ARHGAP27: variants seen among roughly 807,000 people sequenced by gnomAD.
The protein encoded by ARHGAP27 is Rho GTPase activating protein 27, also known as rho GTPase-activating protein 27.
A neutral mutation model predicts 102.0 loss-of-function variants in ARHGAP27; 53 were observed. That is an observed-to-expected ratio of 0.52 (90% CI 0.42 to 0.65). The LOEUF is 0.65. Among genes scored for constraint, ARHGAP27 ranks in the 30% least tolerant of loss-of-function variants. ARHGAP27 has a pLI of 0.00. For missense variants in ARHGAP27, 1,117 were observed against 1,256.2 expected, an observed-to-expected ratio of 0.89 and a Z score of 1.68; for synonymous variants, 525 against 542.8, an observed-to-expected ratio of 0.97 and a Z score of 0.46.
intron 4 of ARHGAP27, chr17:45,425,542 TC>T (rs1003078608): frequency 1.0e-6 from 1 of 983,754 alleles, no homozygotes; most frequent in African/African-American, 1.7e-5. Context: ...CACCCCCTAG[TC>T]CCCCAGGGGC....
chr17:45,416,139 G>A lies in ARHGAP27; in HGVS notation c.658-10056C>T, dbSNP rs371599056. On this transcript the variant is annotated intron_variant, in intron 4 of 19. Transcript: ENST00000685559. ...CGGCTCACTGCAGGCTCCGCCTCCCGGGTTCACGCCATTCTCCTGCCTCAG... is the reference window on the plus strand; with the variant it reads ...CGGCTCACTGCAGGCTCCGCCTCCCAGGTTCACGCCATTCTCCTGCCTCAG... Among the ~76,000 whole-genome samples the A allele has an allele frequency of 5.1e-3, 773 of 151,240 alleles. 8 individuals carry two copies. Among genetic ancestry groups the A allele is most frequent in the African/African-American group, 0.018 (737 of 41,274 alleles).
At chr17:45,403,978 A>T in intron 10 of ARHGAP27, 51 bp downstream of exon 10, 1 of 1,592,060 alleles carries the variant, frequency 6.3e-7, no homozygotes, top group Non-Finnish European at 8.6e-7. Context: ...CTCAGTGAAC[A>T]TCGTCACCAA....
rs766447765 is a variant in ARHGAP27 at position 45,406,003 on chromosome 17, G to A, written c.738C>T (p.Pro246=). The A allele has an allele frequency of 2.0e-6, 3 of 1,535,340 alleles. No individual in the cohort carries two copies. Among genetic ancestry groups the A allele is most frequent in the Non-Finnish European group, 2.6e-6 (3 of 1,146,454 alleles). The part of the protein sequence containing the change: ...RATSPGAAAA[P]LPSPVWETHT... The stretch of plus-strand genomic sequence containing the variant: ...GCGTCTCCCACACCGGGCTGGGAAG[G>A]GGGGCTGCAGCGGCGCCCGGTGAAG... The change falls in exon 5 of 20, where the codon CCC becomes CCT. Residue 246 remains proline (P), a synonymous_variant. Coordinates refer to ENST00000685559, the MANE Select transcript of ARHGAP27 (RefSeq NM_001282290.2).
In ARHGAP27 at chr17:45,396,034, G is replaced by A. The variant is rs757533680; in HGVS notation, c.2335C>T (p.Pro779Ser). ...GALKLFFREL[P>S]EPLFPFSHFR... Reference sequence around the variant, plus strand: ...TGCGAGAAGGGGAAGAGGGGCTCGGGCAGCTCCCGAAAGAAGAGCTTCAGG... The same window carrying A: ...TGCGAGAAGGGGAAGAGGGGCTCGGACAGCTCCCGAAAGAAGAGCTTCAGG... The change falls in exon 18 of 20, where the codon CCC becomes TCC. Residue 779 changes from proline to serine, a missense_variant. Physicochemically the swap from Pro to Ser is moderately conservative, Grantham distance 74 (BLOSUM62 -1). This residue lies in a region of ARHGAP27 where 493 missense variants were observed against 505.5 expected (regional missense o/e 0.98). Transcript: ENST00000685559. 31 of 1,613,884 alleles carry A rather than the reference G, an allele frequency of 1.9e-5. No homozygotes were observed. The Admixed American group carries it at 5.2e-4, about 27-fold the overall frequency.
Position 45,430,290 on chromosome 17 carries a change from G to C in ARHGAP27, c.-11C>G. 1 of 1,558,688 alleles carries C rather than the reference G, an allele frequency of 6.4e-7. No individual in the cohort carries two copies. On this transcript the variant is annotated 5_prime_UTR_variant, in exon 4 of 20. Coordinates refer to ENST00000685559, the MANE Select transcript of ARHGAP27 (RefSeq NM_001282290.2). This position sits in a 1 kb window ranked among gnomAD's most constrained non-coding sequence, Gnocchi z 4.4. ...CACGTCCGCCGCCATCGCAGCCGCG[G>C]CGTTTTCCTGCGGGCAACAAGAAGG...
rs1265810257 is a variant in ARHGAP27 at position 45,429,608 on chromosome 17, C to G, written c.657+15G>C. 3 of 1,575,104 alleles carry G rather than the reference C, an allele frequency of 1.9e-6. No homozygotes were observed. In the East Asian group the frequency reaches 7.0e-5, roughly 37 times the overall value. On this transcript the variant is annotated intron_variant, in intron 4 of 19. Transcript: ENST00000685559. ...CGCGCCACCCGCCTCCGCGCCCCAG[C>G]GCCCGGGGAGGTACCTGCTCTGCGC...
Position 45,412,962 on chromosome 17 carries a change from C to CTTTTTTTTTTTT in ARHGAP27, c.658-6891_658-6880dup, listed in dbSNP as rs36233058. Among the ~76,000 whole-genome samples, 4 of 41,142 alleles carry CTTTTTTTTTTTT rather than the reference C, an allele frequency of 9.7e-5. 2 individuals are homozygous for CTTTTTTTTTTTT. The highest frequency in any genetic ancestry group is 8.7e-5 in the Non-Finnish European group (2 of 23,114). The allele number at this position is 41,142 out of a possible 152,430, so 27.0% of individuals were successfully genotyped here. A position where few individuals can be genotyped will look rare whatever the true frequency, so the allele number is the denominator to read the frequency against. ...GTGTGGCACCACGGCTCAGTATAAT[C>CTTTTTTTTTTTT]TTTTTTTTTTTTTTTTTTTTTTTTT... On this transcript the variant is annotated intron_variant, in intron 4 of 19. Coordinates refer to ENST00000685559, the MANE Select transcript of ARHGAP27 (RefSeq NM_001282290.2).
rs148792420 is a variant in ARHGAP27, at chr17:45,395,478, G to C, written c.2648C>G (p.Ala883Gly). The change falls in exon 20 of 20, where the codon GCG (alanine) becomes GGG (glycine). Residue 883 changes from alanine (A) to glycine (G), a missense_variant. Transcript: ENST00000685559. ...QVVELILQQCADIFPPH is the reference protein window; with the variant it reads ...QVVELILQQCGDIFPPH ...CAGTCAGTGCGGCGGGAAGATGTCC[G>C]CGCACTGCTGCAGGATGAGCTCCAC... 1 of 1,568,850 alleles carries C rather than the reference G, an allele frequency of 6.4e-7. No homozygotes were observed. Among genetic ancestry groups the C allele is most frequent in the Admixed American group, 1.8e-5 (1 of 54,106 alleles).
At position 45,404,980 on chromosome 17, in the gene ARHGAP27, A is replaced by G; in HGVS notation, c.1192T>C (p.Cys398Arg). 2 of 1,614,112 alleles carry G rather than the reference A, an allele frequency of 1.2e-6. No homozygotes were observed. Among genetic ancestry groups the G allele is most frequent in the Non-Finnish European group, 1.7e-6 (2 of 1,180,002 alleles). ...ATCTGCTTGTCCTGGCTGACATGAC[A>G]AGACCAGCCGGGGGGTGTGGTCAAG... is the stretch of plus-strand genomic sequence containing the variant. Reference protein sequence around the residue: ...SPLTTPPGWSCHVSQDKQMLY... With the variant: ...SPLTTPPGWSRHVSQDKQMLY... The change falls in exon 6 of 20, where the codon TGT becomes CGT. Residue 398 changes from cysteine (C) to arginine (R), a missense_variant. By Grantham distance (180) the Cys-to-Arg change is radical (BLOSUM62 -3). Coordinates refer to ENST00000685559, the MANE Select transcript of ARHGAP27 (RefSeq NM_001282290.2).
chr17:45,410,989 G>A (rs1229598683), intron 4 of ARHGAP27, among the ~76,000 whole-genome samples: 9 of 152,042 alleles, frequency 5.9e-5, no homozygotes, highest in African/African-American at 1.5e-4. Context: ...CTCCAGACTC[G>A]GTCACCAAGA....
At chr17:45,424,225 T>C (rs55648326) in intron 4 of ARHGAP27, among the ~76,000 whole-genome samples, 25,288 of 152,222 alleles carry the variant, frequency 0.17, 2,327 homozygotes, top group Middle Eastern at 0.24. Context: ...CAGGCAACAG[T>C]TCTGGAAGTT....
At position 45,407,519 on chromosome 17, in the gene ARHGAP27, C is replaced by CTT. The variant is rs3973543; in HGVS notation, c.658-1438_658-1437dup. 6.9e-4 allele frequency: 98 copies of CTT among 143,036 alleles called. 3 individuals are homozygous for CTT. The highest frequency in any genetic ancestry group is 1.1e-3 in the African/African-American group (44 of 38,810). The allele number at this position is 143,036 out of a possible 1,614,324, so 8.9% of individuals were successfully genotyped here. The stretch of plus-strand genomic sequence containing the variant: ...TTTTCTTTTTCTTTTTCTTTTTTTT[C>CTT]TTTTTTTTTTTTTGAGATGGAGTCT... On this transcript the variant is annotated intron_variant, in intron 4 of 19. Transcript: ENST00000685559.
intron 4 of ARHGAP27, among the ~76,000 whole-genome samples, chr17:45,406,334 C>G (rs2144565287): frequency 6.6e-6 from 1 of 152,326 alleles, no homozygotes; most frequent in South Asian, 2.1e-4. Context: ...GTGGCCTCTT[C>G]TTGAGCTTTA....
chr17:45,411,603 T>C (rs745714610), intron 4 of ARHGAP27, among the ~76,000 whole-genome samples: 9 of 152,052 alleles, frequency 5.9e-5, no homozygotes, highest in Non-Finnish European at 1.2e-4. Context: ...TGCCCTGCTC[T>C]GCCCACAAAA....
At position 45,395,594 on chromosome 17, in the gene ARHGAP27, C is replaced by A; in HGVS notation, c.2532G>T (p.Gln844His). The A allele has an allele frequency of 6.2e-7, 1 of 1,607,562 alleles. No individual in the cohort carries two copies. Among genetic ancestry groups the A allele is most frequent in the East Asian group, 2.2e-5 (1 of 44,528 alleles). ...TGGGCCCGAACACAATGGCCACGCTCTGCACCGACATGCGGTTCTGCTCGC... is the reference window on the plus strand; with the variant it reads ...TGGGCCCGAACACAATGGCCACGCTATGCACCGACATGCGGTTCTGCTCGC... The part of the protein sequence containing the change: ...EHGEQNRMSV[Q>H]SVAIVFGPTL... The change falls in exon 20 of 20, where the codon CAG becomes CAT. Residue 844 changes from glutamine to histidine, a missense_variant. Physicochemically the swap from Gln to His is conservative, Grantham distance 24 (BLOSUM62 0). Transcript: ENST00000685559.
chr17:45,399,152 C>T (rs1293219813), intron 12 of ARHGAP27, among the ~76,000 whole-genome samples: 1 of 152,232 alleles, frequency 6.6e-6, no homozygotes, highest in Admixed American at 6.5e-5. Context: ...GCGGCAACAG[C>T]TCACACCAAC....
chr17:45,405,796 C>T lies in ARHGAP27; in HGVS notation c.945G>A (p.Arg315=). The change falls in exon 5 of 20, where the codon AGG becomes AGA. Residue 315 remains arginine, a synonymous_variant. Coordinates refer to ENST00000685559, the MANE Select transcript of ARHGAP27 (RefSeq NM_001282290.2). The part of the protein sequence containing the change: ...WGQYWDEESR[R]VFFYNPLTGE... Reference sequence around the variant, plus strand: ...CCGTCAGCGGGTTGTAGAAGAACACCCTGCGGCTCTCCTCATCCCAGTACT... The same window carrying T: ...CCGTCAGCGGGTTGTAGAAGAACACTCTGCGGCTCTCCTCATCCCAGTACT... The T allele has an allele frequency of 6.5e-7, 1 of 1,547,872 alleles. No homozygotes were observed. Among genetic ancestry groups the T allele is most frequent in the Non-Finnish European group, 8.7e-7 (1 of 1,152,448 alleles).
At chr17:45,410,332 T>TG (rs1423003481) in intron 4 of ARHGAP27, 12 of 1,470,466 alleles carry the variant, frequency 8.2e-6, no homozygotes, top group Middle Eastern at 1.8e-4. Flanking sequence ...GGGAAGGTTT[T>TG]GGGGGTAGAG....
intron 4 of ARHGAP27, among the ~76,000 whole-genome samples, chr17:45,420,267 T>C (rs966056135): frequency 6.6e-6 from 1 of 151,824 alleles, no homozygotes; most frequent in Non-Finnish European, 1.5e-5. Context: ...CCAAGATACA[T>C]TGTCAAAGAA....
Sources: gnomAD v4.1 joint callset for allele counts (sites outside exome capture counted in the v4.1 genomes callset) on GRCh38, gnomAD v4.1.1 for gene constraint, gnomAD v4.1.1 regional missense constraint, Gnocchi (gnomAD v3.1) non-coding constraint, MANE v1.5 for transcripts, NCBI Gene and HGNC (gene_info 2026-07-23, HGNC 2026-07-21) for gene names.